The following TRPC4 variants were observed in gnomAD, a reference collection of about 807,000 sequenced individuals.
TRPC4 encodes short transient receptor potential channel 4.
Under a neutral mutation model 99.4 loss-of-function variants are expected in TRPC4, and 49 were observed. That is an observed-to-expected ratio of 0.49 (90% CI 0.39 to 0.63). TRPC4 has a LOEUF of 0.63. Ranked by LOEUF, TRPC4 falls within the 20% of genes least tolerant of loss-of-function variation. TRPC4 has a pLI of 0.00. For synonymous variants in TRPC4, 454 were observed against 425.9 expected, an observed-to-expected ratio of 1.07 and a Z score of -0.81; for missense variants, 898 against 1,152.9, an observed-to-expected ratio of 0.78 and a Z score of 3.20.
intron 1 of TRPC4, among the ~76,000 whole-genome samples, chr13:37,851,770 C>T (rs1959064629): frequency 6.6e-6 from 1 of 152,114 alleles, no homozygotes; most frequent in African/African-American, 2.4e-5. Context: ...TTGCTGATAC[C>T]ACCCCTCCCC....
intron 2 of TRPC4, among the ~76,000 whole-genome samples, chr13:37,776,781 G>A (rs1265880123): frequency 2.0e-5 from 3 of 151,884 alleles, no homozygotes; most frequent in Admixed American, 2.0e-4. Flanking sequence ...AGAGTTAAAA[G>A]TGAAGTTTTT....
At chr13:37,654,739 G>T (rs1258314681) in intron 7 of TRPC4, among the ~76,000 whole-genome samples, 1 of 152,062 alleles carries the variant, frequency 6.6e-6, no homozygotes, top group Non-Finnish European at 1.5e-5. Flanking sequence ...ATATGAGAGT[G>T]GTAGGTTAAA....
chr13:37,735,534 C>T (rs1368950299), intron 3 of TRPC4, among the ~76,000 whole-genome samples: 5 of 152,182 alleles, frequency 3.3e-5, no homozygotes, highest in African/African-American at 1.2e-4. Context: ...AAGCCTTCTC[C>T]ATCATTGACA....
At chr13:37,834,177 G>T (rs1431975374) in intron 1 of TRPC4, among the ~76,000 whole-genome samples, 1 of 151,546 alleles carries the variant, frequency 6.6e-6, no homozygotes, top group Non-Finnish European at 1.5e-5. Context: ...CATAAACACT[G>T]TTTATAAATG....
At chr13:37,778,782 C>T (rs899434092) in intron 2 of TRPC4, among the ~76,000 whole-genome samples, 2 of 151,960 alleles carry the variant, frequency 1.3e-5, no homozygotes, top group Admixed American at 6.6e-5. Flanking sequence ...ATATTAAATA[C>T]CACTTAACAG....
chr13:37,829,667 T>C (rs1806745131), intron 1 of TRPC4, among the ~76,000 whole-genome samples: 1 of 152,132 alleles, frequency 6.6e-6, no homozygotes, highest in East Asian at 1.9e-4. Context: ...TAAATGAAAA[T>C]ATATGTCACA....
rs117902407 is a variant in TRPC4, at chr13:37,667,662, G to A, written c.1375-3933C>T. 6.0e-3 allele frequency among the ~76,000 whole-genome samples: 911 copies of A among 152,264 alleles called. 5 individuals are homozygous for A. Among genetic ancestry groups the A allele is most frequent in the Admixed American group, 9.6e-3 (147 of 15,294 alleles). ...CAGCCCATGTCACATATTATTTAAT[G>A]TTCTTCAATCACAACATTGTCCTTG... On this transcript the variant is annotated intron_variant, in intron 5 of 10. Coordinates refer to ENST00000379705, the MANE Select transcript of TRPC4 (RefSeq NM_016179.4).
At chr13:37,794,010 T>C (rs947034853) in intron 1 of TRPC4, among the ~76,000 whole-genome samples, 10 of 152,152 alleles carry the variant, frequency 6.6e-5, no homozygotes, top group African/African-American at 2.4e-4. Context: ...TGAATATTTA[T>C]TTAACAAAAA....
intron 6 of TRPC4, 35 bp from the exon 7 acceptor site, chr13:37,655,318 T>A: frequency 1.5e-6 from 2 of 1,298,396 alleles, no homozygotes; most frequent in Non-Finnish European, 2.0e-6. Flanking sequence ...AATAGCTATA[T>A]TAATGGAATC....
intron 2 of TRPC4, among the ~76,000 whole-genome samples, chr13:37,764,912 T>G (rs1956320799): frequency 6.6e-6 from 1 of 151,002 alleles, no homozygotes; most frequent in South Asian, 2.1e-4. Flanking sequence ...AATTTTTGCT[T>G]AAGATTTTTA....
chr13:37,859,730 A>G (rs1157467395), intron 1 of TRPC4, among the ~76,000 whole-genome samples: 5 of 151,470 alleles, frequency 3.3e-5, no homozygotes, highest in African/African-American at 1.2e-4. Context: ...AATGTGTACT[A>G]AAGAGAACTC....
At chr13:37,671,260 T>C (rs998199076) in intron 5 of TRPC4, among the ~76,000 whole-genome samples, 2 of 152,112 alleles carry the variant, frequency 1.3e-5, no homozygotes, top group African/African-American at 4.8e-5. Context: ...TTATTACAAA[T>C]TAGCCTGAAA....
chr13:37,682,480 A>T (rs1346255982), intron 4 of TRPC4, among the ~76,000 whole-genome samples: 3 of 152,198 alleles, frequency 2.0e-5, no homozygotes, highest in Non-Finnish European at 4.4e-5. Context: ...AGAGGCACTC[A>T]GTTAAGGGGC....
chr13:37,728,781 T>C (rs1955147726), intron 3 of TRPC4, among the ~76,000 whole-genome samples: 1 of 152,076 alleles, frequency 6.6e-6, no homozygotes, highest in Non-Finnish European at 1.5e-5. Context: ...TTTCAAAACT[T>C]ATTGCTAAGT....
At chr13:37,718,413 A>T (rs1391847531) in intron 3 of TRPC4, among the ~76,000 whole-genome samples, 1 of 151,920 alleles carries the variant, frequency 6.6e-6, no homozygotes, top group Admixed American at 6.6e-5. Context: ...GGAAAATGTG[A>T]TCCATTCTCA....
chr13:37,774,334 A>G (rs1042435917), intron 2 of TRPC4, among the ~76,000 whole-genome samples: 1 of 151,752 alleles, frequency 6.6e-6, no homozygotes, highest in Non-Finnish European at 1.5e-5. Flanking sequence ...GTACAAAATT[A>G]TTGTCAAAGG....
At chr13:37,697,912 A>C (rs1953967226) in intron 3 of TRPC4, among the ~76,000 whole-genome samples, 1 of 152,162 alleles carries the variant, frequency 6.6e-6, no homozygotes, top group Non-Finnish European at 1.5e-5. Context: ...TCTATAAAGT[A>C]AGAAATATAC....
intron 2 of TRPC4, among the ~76,000 whole-genome samples, chr13:37,749,664 G>T (rs1955879022): frequency 6.6e-6 from 1 of 152,102 alleles, no homozygotes. Flanking sequence ...CATGGTTTTT[G>T]AAAGTCTGAG....
chr13:37,717,664 C>T (rs979584321), intron 3 of TRPC4, among the ~76,000 whole-genome samples: 2 of 152,068 alleles, frequency 1.3e-5, no homozygotes, highest in African/African-American at 2.4e-5. Flanking sequence ...GAGTTATATT[C>T]AAGCCAAGGA....
Sources: gnomAD v4.1 joint callset for allele counts (sites outside exome capture counted in the v4.1 genomes callset) on GRCh38, gnomAD v4.1.1 for gene constraint, MANE v1.5 for transcripts, NCBI Gene and HGNC (gene_info 2026-07-23, HGNC 2026-07-21) for gene names.